Variants in PHLPP1 observed in about 807,000 individuals in gnomAD.
PHLPP1 encodes the protein PH domain and leucine rich repeat protein phosphatase 1, also known as PH domain leucine-rich repeat-containing protein phosphatase 1.
In PHLPP1, 42 loss-of-function variants were observed where a neutral mutation model predicts 117.2. The ratio of observed to expected loss-of-function variants is 0.36; its 90% CI spans 0.28 to 0.46. PHLPP1 has a LOEUF of 0.46. PHLPP1 is among the 20% of genes least tolerant of loss of function. The probability of loss-of-function intolerance (pLI) is 1.00; values close to 1 mark genes in which losing one functional copy is unlikely to be tolerated. For missense variants in PHLPP1, 2,084 were observed against 2,241.9 expected (o/e 0.93, Z 1.42); for synonymous variants, 1,042 against 970.7 (o/e 1.07, Z -1.37).
intron 4 of PHLPP1, among the ~76,000 whole-genome samples, chr18:62,868,771 A>G (rs530662566): frequency 2.6e-5 from 4 of 152,330 alleles, no homozygotes; most frequent in African/African-American, 7.2e-5. Context: ...AATTGCAAAG[A>G]ACACATGTCT....
At chr18:62,821,874 C>G (rs112572770) in intron 1 of PHLPP1, among the ~76,000 whole-genome samples, 50 of 151,838 alleles carry the variant, frequency 3.3e-4, no homozygotes, top group African/African-American at 1.1e-3. Context: ...ACCTCCTACT[C>G]AAGCCTCTTG....
chr18:62,925,181 A>T (rs1909589136), intron 10 of PHLPP1, among the ~76,000 whole-genome samples: 1 of 152,100 alleles, frequency 6.6e-6, no homozygotes, highest in African/African-American at 2.4e-5. Flanking sequence ...TGCCAGAGGG[A>T]TTGCCATCCT....
chr18:62,826,877 G>A (rs2144328309), intron 1 of PHLPP1, among the ~76,000 whole-genome samples: 1 of 152,238 alleles, frequency 6.6e-6, no homozygotes, highest in Admixed American at 6.5e-5. Flanking sequence ...GCACACGTCT[G>A]TAGTCCGAGG....
intron 1 of PHLPP1, among the ~76,000 whole-genome samples, chr18:62,755,686 G>A (rs370202387): frequency 6.6e-6 from 1 of 152,306 alleles, no homozygotes; most frequent in East Asian, 1.9e-4. Context: ...CTCCAGAACT[G>A]TGAGAAATAC....
chr18:62,771,486 C>T (rs1276155847), intron 1 of PHLPP1, among the ~76,000 whole-genome samples: 1 of 152,054 alleles, frequency 6.6e-6, no homozygotes, highest in African/African-American at 2.4e-5. Context: ...AAACAACAGC[C>T]CCAATGAACA....
Position 62,963,427 on chromosome 18 carries a change from C to T in PHLPP1, c.3515C>T (p.Ala1172Val). Residue 1172 changes from alanine to valine, a missense_variant, in exon 14 of 17, where the codon GCT becomes GTT. Physicochemically the swap from Ala to Val is moderately conservative, Grantham distance 64. Coordinates refer to ENST00000262719, the MANE Select transcript of PHLPP1 (RefSeq NM_194449.4). ...PSTGDASGAP[A>V]VWSHGYTEAS... is the part of the protein sequence containing the mutation. ...ACAGGAGACGCTTCCGGAGCCCCAG[C>T]TGTATGGAGTCATGGTTACACTGAA... 6.2e-7 allele frequency: 1 copy of T among 1,613,418 alleles called. No individual in the cohort carries two copies.
intron 6 of PHLPP1, among the ~76,000 whole-genome samples, chr18:62,902,003 G>A (rs1161783218): frequency 1.3e-5 from 2 of 152,214 alleles, no homozygotes; most frequent in East Asian, 1.9e-4. Context: ...GATGGTTTTT[G>A]TTGTTTGTTT....
chr18:62,719,948 A>G (rs1910867141), intron 1 of PHLPP1, among the ~76,000 whole-genome samples: 1 of 152,148 alleles, frequency 6.6e-6, no homozygotes, highest in Non-Finnish European at 1.5e-5. Context: ...AAGTAAAATG[A>G]AAGTCTTTAA....
At chr18:62,915,979 C>T (rs1909258668) in intron 9 of PHLPP1, among the ~76,000 whole-genome samples, 1 of 152,150 alleles carries the variant, frequency 6.6e-6, no homozygotes, top group South Asian at 2.1e-4. Context: ...TAGTCAGAAA[C>T]ATCAGTGAAA....
At chr18:62,975,310 G>A in intron 15 of PHLPP1, 87 bp from the exon 16 acceptor site, 1 of 850,408 alleles carries the variant, frequency 1.2e-6, no homozygotes, top group Admixed American at 1.8e-5. Flanking sequence ...TCCTGGCCCT[G>A]TCCAGTGGTG....
chr18:62,906,548 C>T (rs1156274862), intron 8 of PHLPP1, among the ~76,000 whole-genome samples: 1 of 128,280 alleles, frequency 7.8e-6, no homozygotes, highest in East Asian at 2.3e-4. Context: ...GGGTGACGGA[C>T]GCACCTGGAA....
chr18:62,801,375 A>G (rs1913778158), intron 1 of PHLPP1, among the ~76,000 whole-genome samples: 1 of 151,036 alleles, frequency 6.6e-6, no homozygotes, highest in Non-Finnish European at 1.5e-5. Context: ...TGAGTAATTA[A>G]TTTTTAATTG....
intron 3 of PHLPP1, among the ~76,000 whole-genome samples, chr18:62,851,760 A>G (rs767964909): frequency 2.6e-5 from 4 of 151,382 alleles, no homozygotes; most frequent in Non-Finnish European, 4.4e-5. Context: ...TGCCCAGCCC[A>G]TCTCTCATTT....
intron 1 of PHLPP1, among the ~76,000 whole-genome samples, chr18:62,802,673 T>C (rs1474232708): frequency 6.6e-6 from 1 of 152,186 alleles, no homozygotes; most frequent in South Asian, 2.1e-4. Context: ...AACACATATG[T>C]ACATGTTTTC....
chr18:62,879,587 A>G (rs1425768410), intron 4 of PHLPP1, among the ~76,000 whole-genome samples: 1 of 151,916 alleles, frequency 6.6e-6, no homozygotes, highest in African/African-American at 2.4e-5. Context: ...AATTGTTTGT[A>G]TTTTTAGTAG....
intron 1 of PHLPP1, among the ~76,000 whole-genome samples, chr18:62,785,114 C>G (rs1010050811): frequency 3.3e-5 from 5 of 152,138 alleles, no homozygotes; most frequent in African/African-American, 1.2e-4. Context: ...TCACTAAATA[C>G]AGTGTTTGGC....
At chr18:62,727,985 G>T (rs144880697) in intron 1 of PHLPP1, among the ~76,000 whole-genome samples, 1 of 151,960 alleles carries the variant, frequency 6.6e-6, no homozygotes, top group Non-Finnish European at 1.5e-5. Context: ...CACCCTTTAC[G>T]TATTAGAGAT....
intron 2 of PHLPP1, chr18:62,838,164 A>C (rs542477335): frequency 1.3e-5 from 2 of 152,236 alleles, no homozygotes; most frequent in Admixed American, 6.5e-5. Flanking sequence ...TAAGCGTTTT[A>C]AGATTTTGGT....
At chr18:62,890,229 T>C (rs1271266582) in intron 4 of PHLPP1, among the ~76,000 whole-genome samples, 1 of 152,060 alleles carries the variant, frequency 6.6e-6, no homozygotes, top group East Asian at 1.9e-4. Flanking sequence ...TAAGAGGTTT[T>C]TTTTCTCTCT....
Sources: allele counts gnomAD v4.1 joint callset (sites outside exome capture counted in the v4.1 genomes callset), GRCh38; gene constraint gnomAD v4.1.1; transcripts MANE v1.5; gene names NCBI Gene and HGNC (gene_info 2026-07-23, HGNC 2026-07-21).